STAT3: variants seen among roughly 807,000 people sequenced by gnomAD.
STAT3 encodes signal transducer and activator of transcription 3.
A neutral mutation model predicts 114.3 loss-of-function variants in STAT3; 7 were observed. The ratio of observed to expected loss-of-function variants is 0.06; its 90% confidence interval spans 0.03 to 0.11. The LOEUF (loss-of-function observed/expected upper bound fraction) is 0.11. STAT3 is among the 10% of genes least tolerant of loss of function. The probability of loss-of-function intolerance (pLI) is 1.00; values close to 1 mark genes in which losing one functional copy is unlikely to be tolerated. For synonymous variants in STAT3, 331 were observed against 354.5 expected (o/e 0.93, Z 0.74); for missense variants, 364 against 960.9 (o/e 0.38, Z 8.21).
chr17:42,357,094 G>T (rs2145117935), intron 1 of STAT3, among the ~76,000 whole-genome samples: 1 of 152,186 alleles, frequency 6.6e-6, no homozygotes, highest in East Asian at 1.9e-4. Flanking sequence ...GGCCTGAAAA[G>T]AAATTTTTAT....
At chr17:42,329,071 G>A (rs7221636) in intron 14 of STAT3, among the ~76,000 whole-genome samples, 26 of 152,212 alleles carry the variant, frequency 1.7e-4, no homozygotes, top group African/African-American at 6.3e-4. Context: ...AGCCAAGCAG[G>A]GTCAGCCGCA....
chr17:42,346,449 G>GA, intron 3 of STAT3, 120 bp downstream of exon 3: 1 of 1,454,976 alleles, frequency 6.9e-7, no homozygotes, highest in Non-Finnish European at 9.5e-7. Context: ...TCCTGTGATT[G>GA]AAAATACAAG....
chr17:42,368,414 T>TG (rs2083920866), intron 1 of STAT3, among the ~76,000 whole-genome samples: 1 of 152,194 alleles, frequency 6.6e-6, no homozygotes, highest in South Asian at 2.1e-4. Flanking sequence ...TACAACCACT[T>TG]GGATGACTAG....
chr17:42,348,600 G>A (rs979619610), intron 1 of STAT3, 61 bp from the exon 2 acceptor site: 7 of 1,597,182 alleles, frequency 4.4e-6, no homozygotes, highest in Non-Finnish European at 6.0e-6. Flanking sequence ...CAATCTAGAA[G>A]TAGCCATTGC....
At chr17:42,375,541 T>C (rs901926093) in intron 1 of STAT3, among the ~76,000 whole-genome samples, 2 of 152,124 alleles carry the variant, frequency 1.3e-5, no homozygotes, top group Admixed American at 1.3e-4. Context: ...AAAGAAATAA[T>C]AAGCAAACCG....
chr17:42,355,217 C>T (rs1013284094), intron 1 of STAT3, among the ~76,000 whole-genome samples: 4 of 152,132 alleles, frequency 2.6e-5, no homozygotes, highest in Non-Finnish European at 4.4e-5. Context: ...TTCATATCTA[C>T]GGAATAATTC....
At chr17:42,334,451 T>C (rs1301363433) in intron 8 of STAT3, among the ~76,000 whole-genome samples, 2 of 144,122 alleles carry the variant, frequency 1.4e-5, no homozygotes, top group African/African-American at 5.1e-5. Context: ...TTTTTTTTTT[T>C]TTTTTTTTTT....
chr17:42,378,976 C>T (rs144763021), intron 1 of STAT3, among the ~76,000 whole-genome samples: 1 of 152,294 alleles, frequency 6.6e-6, no homozygotes, highest in East Asian at 1.9e-4. Flanking sequence ...TCTTCCAACT[C>T]TTGTAATAAA....
intron 1 of STAT3, among the ~76,000 whole-genome samples, chr17:42,373,729 C>T (rs1484518982): frequency 1.3e-5 from 2 of 150,922 alleles, no homozygotes; most frequent in African/African-American, 4.9e-5. Flanking sequence ...ACTAAAAATA[C>T]AAAAAATTAG....
In STAT3 at chr17:42,351,852, G is replaced by A. The variant is rs115084670; in HGVS notation, c.-23-3313C>T. Among the ~76,000 whole-genome samples the A allele has an allele frequency of 6.6e-3, 1,011 of 152,048 alleles. 12 individuals are homozygous for A. The highest frequency in any genetic ancestry group is 0.032 in the South Asian group (153 of 4,826). Reference sequence around the variant, plus strand: ...CACCTCACTGCAACTTCAGTCTCCCGGGTTCAAGCGATTTTCCTGCCTCAG... The same window carrying A: ...CACCTCACTGCAACTTCAGTCTCCCAGGTTCAAGCGATTTTCCTGCCTCAG... On this transcript the variant is annotated intron_variant, in intron 1 of 23. Coordinates refer to ENST00000264657, the MANE Select transcript of STAT3 (RefSeq NM_139276.3).
intron 12 of STAT3, 22 bp downstream of exon 12, chr17:42,329,725 G>A (rs543453211): frequency 6.2e-7 from 1 of 1,614,196 alleles, no homozygotes; most frequent in South Asian, 1.1e-5. Context: ...GGAACAAAAG[G>A]AAGCCTCTAG....
intron 1 of STAT3, among the ~76,000 whole-genome samples, chr17:42,358,133 C>T (rs2083317631): frequency 6.6e-6 from 1 of 152,184 alleles, no homozygotes; most frequent in African/African-American, 2.4e-5. Context: ...GAAGTAAAGG[C>T]CAGGCATGGT....
chr17:42,353,756 T>C (rs1049149494), intron 1 of STAT3, among the ~76,000 whole-genome samples: 9 of 152,146 alleles, frequency 5.9e-5, no homozygotes, highest in African/African-American at 2.2e-4. Flanking sequence ...GTAGTTTTTG[T>C]AGAGACAAGG....
intron 1 of STAT3, among the ~76,000 whole-genome samples, chr17:42,360,881 GAGTTGAAGACCTTGAATATTTTGCTC>G (rs2083476197): frequency 6.6e-6 from 1 of 152,140 alleles, no homozygotes; most frequent in Admixed American, 6.6e-5. Flanking sequence ...AGGGTGTGAG[GAGTTGAAGACCTTGAATATTTTGCTC>G]AGCAAGAAGA....
intron 8 of STAT3, among the ~76,000 whole-genome samples, chr17:42,334,441 T>A (rs999657487): frequency 7.9e-5 from 2 of 25,354 alleles, no homozygotes; most frequent in African/African-American, 1.7e-4. Flanking sequence ...CGCCTGGCCT[T>A]TTTTTTTTTT....
chr17:42,334,052 G>C lies in STAT3; in HGVS notation c.798-3C>G, dbSNP rs1436513249. 6 of 1,613,840 alleles carry C rather than the reference G, an allele frequency of 3.7e-6. No individual in the cohort carries two copies. In the African/African-American group the frequency reaches 5.3e-5, roughly 14 times the overall value. On this transcript the variant is annotated splice_region_variant and splice_polypyrimidine_tract_variant and intron_variant, in intron 8 of 23. Coordinates refer to ENST00000264657, the MANE Select transcript of STAT3 (RefSeq NM_139276.3). The stretch of plus-strand genomic sequence containing the variant: ...GAGATTCTGCTAATGACGTTATCCT[G>C]CCAATAAATTAAGAAAGATGCTAAT...
Position 42,362,135 on chromosome 17 carries a change from T to C in STAT3, c.-23-13596A>G, listed in dbSNP as rs537828011. The stretch of plus-strand genomic sequence containing the variant: ...AGGAGTGCCAACATTGAGAGGGCAA[T>C]TGGGCCACACAGTCTCTAAAAACTG... On this transcript the variant is annotated intron_variant, in intron 1 of 23. Coordinates refer to ENST00000264657, the MANE Select transcript of STAT3 (RefSeq NM_139276.3). Among the ~76,000 whole-genome samples, 4 of 152,316 alleles carry C rather than the reference T, an allele frequency of 2.6e-5. No homozygotes were observed. In the South Asian group the frequency reaches 6.2e-4, roughly 24 times the overall value.
chr17:42,352,241 A>T (rs1313679390), intron 1 of STAT3, among the ~76,000 whole-genome samples: 2 of 152,002 alleles, frequency 1.3e-5, no homozygotes, highest in Non-Finnish European at 2.9e-5. Flanking sequence ...CAGGAGGCTG[A>T]GGCAGGAGAA....
Position 42,346,723 on chromosome 17 carries a change from G to C in STAT3, c.129-10C>G. 6.2e-7 allele frequency: 1 copy of C among 1,613,954 alleles called. No individual in the cohort carries two copies. The highest frequency in any genetic ancestry group is 1.1e-5 in the South Asian group (1 of 91,080). On this transcript the variant is annotated splice_polypyrimidine_tract_variant and intron_variant, in intron 2 of 23. Coordinates refer to ENST00000264657, the MANE Select transcript of STAT3 (RefSeq NM_139276.3). ...GCTGGCCGCATATGCCCTAGGAAAA[G>C]GAAGAATGATAAAGAATGGCTCTGA...
Sources: allele counts gnomAD v4.1 joint callset (sites outside exome capture counted in the v4.1 genomes callset), GRCh38; gene constraint gnomAD v4.1.1; transcripts MANE v1.5; gene names NCBI Gene and HGNC (gene_info 2026-07-23, HGNC 2026-07-21).